Variants in SH3BP5 observed in about 807,000 individuals in gnomAD.
SH3BP5 encodes SH3 domain-binding protein 5.
Under a neutral mutation model 43.3 loss-of-function variants are expected in SH3BP5, and 22 were observed. The observed-to-expected ratio is 0.51, with a 90% CI of 0.36 to 0.73. The LOEUF is 0.73. SH3BP5 is among the 30% of genes least tolerant of loss of function. The pLI is 0.00. For synonymous variants in SH3BP5, 255 were observed against 225.8 expected (o/e 1.13, Z -1.16); for missense variants, 529 against 586.9 (o/e 0.90, Z 1.02).
intron 2 of SH3BP5, among the ~76,000 whole-genome samples, chr3:15,327,153 G>T (rs1000893379): frequency 2.0e-5 from 3 of 152,070 alleles, no homozygotes; most frequent in South Asian, 2.1e-4. Flanking sequence ...GGTGGGGAGG[G>T]GGGTAGCGAC....
intron 3 of SH3BP5, among the ~76,000 whole-genome samples, chr3:15,296,339 T>TACACACACACACACAC (rs571693138): frequency 7.1e-5 from 9 of 126,492 alleles, no homozygotes; most frequent in African/African-American, 3.9e-4. Flanking sequence ...GGGGAAATCA[T>TACACACACACACACAC]ATACACACAC....
chr3:15,297,641 G>C (rs1012849561), intron 3 of SH3BP5, among the ~76,000 whole-genome samples: 3 of 152,134 alleles, frequency 2.0e-5, no homozygotes, highest in Admixed American at 6.5e-5. Flanking sequence ...CATGAAACAA[G>C]CAGAGGCTTG....
At chr3:15,295,489 C>CTA (rs1697543389) in intron 3 of SH3BP5, among the ~76,000 whole-genome samples, 1 of 152,130 alleles carries the variant, frequency 6.6e-6, no homozygotes, top group Admixed American at 6.5e-5. Flanking sequence ...TGATTTTTCT[C>CTA]TATAAATTGG....
At chr3:15,272,301 C>T (rs948125617) in intron 3 of SH3BP5, among the ~76,000 whole-genome samples, 1 of 152,152 alleles carries the variant, frequency 6.6e-6, no homozygotes, top group East Asian at 1.9e-4. Flanking sequence ...GAGACCCGAA[C>T]CAAGCATGGA....
In SH3BP5 at chr3:15,255,392, CT is replaced by C. The variant is rs1413090140; in HGVS notation, c.*693del. 6.6e-6 allele frequency: 1 copy of C among 152,602 alleles called. No homozygotes were observed. Among genetic ancestry groups the C allele is most frequent in the Non-Finnish European group, 1.5e-5 (1 of 68,062 alleles). The allele number at this position is 152,602 out of a possible 1,614,324, so 9.5% of individuals were successfully genotyped here. ...CTTCTCCCCCACAGCCACAAATCCC[CT>C]TCTATAAGTCCCTCCTACCCTCATC... On this transcript the variant is annotated 3_prime_UTR_variant, in exon 9 of 9. Coordinates refer to ENST00000383791, the MANE Select transcript of SH3BP5 (RefSeq NM_004844.5).
rs866524416 is a variant in SH3BP5, at chr3:15,302,182, T to A, written c.330+1921A>T. On this transcript the variant is annotated intron_variant, in intron 3 of 8. Transcript: ENST00000383791. ...CTTGGCCTACAGTGGGTAGGACACA[T>A]CCTCAACTTGGGGGGCATCTCAAAG... Among the ~76,000 whole-genome samples, 42 of 152,260 alleles carry A rather than the reference T, an allele frequency of 2.8e-4. No individual in the cohort carries two copies. The Middle Eastern group carries it at 0.01, about 37-fold the overall frequency.
At position 15,304,245 on chromosome 3, in the gene SH3BP5, A is replaced by T. The variant is rs538884353; in HGVS notation, c.202-14T>A. The stretch of plus-strand genomic sequence containing the variant: ...CTGACGAGCATCCTGCAGCCAGGGG[A>T]AACCGAGGAAACACAGTTGAGGCTT... On this transcript the variant is annotated splice_polypyrimidine_tract_variant and intron_variant, in intron 2 of 8. Coordinates refer to ENST00000383791, the MANE Select transcript of SH3BP5 (RefSeq NM_004844.5). 46 of 1,614,146 alleles carry T rather than the reference A, an allele frequency of 2.8e-5. No individual in the cohort carries two copies. The Admixed American group carries it at 3.7e-4, about 13-fold the overall frequency.
intron 6 of SH3BP5, 106 bp downstream of exon 6, chr3:15,259,654 CT>C: frequency 9.4e-7 from 1 of 1,064,026 alleles, no homozygotes; most frequent in Non-Finnish European, 1.5e-6. Context: ...TGTCTCTCCA[CT>C]TTCCCCTTAT....
At chr3:15,256,574 GCTGA>G (rs1696207832) in intron 8 of SH3BP5, 2 of 592,056 alleles carry the variant, frequency 3.4e-6, no homozygotes, top group Non-Finnish European at 5.9e-6. Flanking sequence ...TCACTTTATT[GCTGA>G]GAAACAAACC....
chr3:15,325,386 G>T (rs1379500442), intron 2 of SH3BP5, among the ~76,000 whole-genome samples: 1 of 152,124 alleles, frequency 6.6e-6, no homozygotes, highest in African/African-American at 2.4e-5. Flanking sequence ...CCCCTTGCTG[G>T]CCCTCAGCTA....
At position 15,269,697 on chromosome 3, in the gene SH3BP5, C is replaced by T. The variant is rs781238100; in HGVS notation, c.495+16G>A. The T allele has an allele frequency of 3.0e-5, 47 of 1,550,740 alleles. No individual in the cohort carries two copies. Among genetic ancestry groups the T allele is most frequent in the South Asian group, 1.2e-4 (10 of 83,576 alleles). On this transcript the variant is annotated intron_variant, in intron 4 of 8. Transcript: ENST00000383791. ...CACGCGCACACCCCCACAGCACACC[C>T]GGCCATGACTCATACCCTCTGAGTG...
At chr3:15,319,829 C>T (rs1208201676) in intron 2 of SH3BP5, among the ~76,000 whole-genome samples, 1 of 152,184 alleles carries the variant, frequency 6.6e-6, no homozygotes, top group Admixed American at 6.5e-5. Flanking sequence ...AGGACTACAA[C>T]CAGGCTGACA....
chr3:15,284,511 C>T lies in SH3BP5; in HGVS notation c.331-14634G>A, dbSNP rs571818718. On this transcript the variant is annotated intron_variant, in intron 3 of 8. Coordinates refer to ENST00000383791, the MANE Select transcript of SH3BP5 (RefSeq NM_004844.5). Reference sequence around the variant, plus strand: ...CACTTGAAATAAATGGGTTCAAAGTCGTTAACATTCCTCGTGCCTCAGATG... The same window carrying T: ...CACTTGAAATAAATGGGTTCAAAGTTGTTAACATTCCTCGTGCCTCAGATG... Among the ~76,000 whole-genome samples the T allele has an allele frequency of 2.6e-5, 4 of 152,304 alleles. 1 individual carries two copies. Among genetic ancestry groups the T allele is most frequent in the Admixed American group, 2.6e-4 (4 of 15,298 alleles).
At chr3:15,331,548 T>A (rs1698609350) in intron 1 of SH3BP5, among the ~76,000 whole-genome samples, 1 of 152,208 alleles carries the variant, frequency 6.6e-6, no homozygotes, top group African/African-American at 2.4e-5. Flanking sequence ...AATTGTTTTT[T>A]AATCATCTCT....
chr3:15,274,855 C>T (rs572916583), intron 3 of SH3BP5, among the ~76,000 whole-genome samples: 49 of 152,290 alleles, frequency 3.2e-4, no homozygotes, highest in Admixed American at 6.5e-4. Flanking sequence ...CACCCAGTCG[C>T]TACACACTTT....
intron 4 of SH3BP5, among the ~76,000 whole-genome samples, chr3:15,265,805 G>A (rs966761454): frequency 3.9e-5 from 6 of 151,960 alleles, no homozygotes; most frequent in African/African-American, 9.7e-5. Context: ...AGCATACTCC[G>A]GAGATGCTGA....
upstream of SH3BP5, among the ~76,000 whole-genome samples, chr3:15,334,120 C>T (rs1268035279): frequency 6.6e-6 from 1 of 152,212 alleles, no homozygotes; most frequent in Non-Finnish European, 1.5e-5. Context: ...CCTCTCCATT[C>T]TAAATGGCAA....
At chr3:15,264,275 ATGGT>A (rs1016375474) in intron 4 of SH3BP5, 3 of 131,532 alleles carry the variant, frequency 2.3e-5, no homozygotes, top group African/African-American at 1.2e-4. Context: ...AGTAATACAA[ATGGT>A]TTTTTTTTTT....
At chr3:15,327,356 C>T (rs553022401) in intron 2 of SH3BP5, among the ~76,000 whole-genome samples, 2 of 152,182 alleles carry the variant, frequency 1.3e-5, no homozygotes, top group South Asian at 4.1e-4. Flanking sequence ...GCCGAGATCA[C>T]GCCATTGCAC....
Sources: allele counts gnomAD v4.1 joint callset (sites outside exome capture counted in the v4.1 genomes callset), GRCh38; gene constraint gnomAD v4.1.1; transcripts MANE v1.5; gene names NCBI Gene and HGNC (gene_info 2026-07-23, HGNC 2026-07-21).